Variants in CNTN1 observed in about 807,000 individuals in gnomAD.
CNTN1 encodes the protein contactin-1.
In CNTN1, 38 loss-of-function variants were observed where a neutral mutation model predicts 126.4. The ratio of observed to expected loss-of-function variants is 0.30; its 90% CI spans 0.23 to 0.39. The LOEUF (loss-of-function observed/expected upper bound fraction) is 0.39, where lower values mean the gene tolerates loss of function less well. CNTN1 is among the 10% of genes least tolerant of loss of function. The probability of loss-of-function intolerance (pLI) is 1.00; values close to 1 mark genes in which losing one functional copy is unlikely to be tolerated. For missense variants in CNTN1, 1,009 were observed against 1,248.4 expected (o/e 0.81, Z 2.89); for synonymous variants, 413 against 422.6 (o/e 0.98, Z 0.28).
intron 1 of CNTN1, among the ~76,000 whole-genome samples, chr12:40,766,508 A>G (rs1939102222): frequency 6.6e-6 from 1 of 152,176 alleles, no homozygotes; most frequent in Non-Finnish European, 1.5e-5. Flanking sequence ...GTGTGTATGT[A>G]TTGGATGGGG....
intron 1 of CNTN1, among the ~76,000 whole-genome samples, chr12:40,742,168 A>G (rs1937971591): frequency 6.6e-6 from 1 of 152,122 alleles, no homozygotes; most frequent in African/African-American, 2.4e-5. Flanking sequence ...CCACAACTGA[A>G]TGAAGCCAAT....
At chr12:40,705,866 G>A (rs886793460) in intron 1 of CNTN1, among the ~76,000 whole-genome samples, 1 of 152,148 alleles carries the variant, frequency 6.6e-6, no homozygotes, top group Non-Finnish European at 1.5e-5. Flanking sequence ...GGCAGGAGCA[G>A]GATCAAGAGA....
chr12:40,696,090 C>A (rs530473909), intron 1 of CNTN1, among the ~76,000 whole-genome samples: 8 of 152,142 alleles, frequency 5.3e-5, no homozygotes, highest in Non-Finnish European at 8.8e-5. Context: ...TGAGATAATG[C>A]GTGTTAAACA....
chr12:40,973,386 CGAA>C (rs1033075334), intron 15 of CNTN1, among the ~76,000 whole-genome samples: 26 of 152,108 alleles, frequency 1.7e-4, no homozygotes, highest in African/African-American at 5.5e-4. Flanking sequence ...CATTCCTTGG[CGAA>C]GAAGATGTCT....
rs145883188 is a variant in CNTN1, at chr12:40,921,310, C to T, written c.228-946C>T. On this transcript the variant is annotated intron_variant, in intron 4 of 23. Transcript: ENST00000551295. ...TGAGCGATGTGGCCACGAGCCACTA[C>T]TACTTGAGCGATTTGACCACAGCTC... is the stretch of plus-strand genomic sequence containing the variant. 4.4e-3 allele frequency among the ~76,000 whole-genome samples: 677 copies of T among 152,288 alleles called. 7 individuals carry two copies. The highest frequency in any genetic ancestry group is 0.014 in the African/African-American group (581 of 41,560).
At chr12:40,827,101 C>T (rs989722150) in intron 1 of CNTN1, among the ~76,000 whole-genome samples, 17 of 152,020 alleles carry the variant, frequency 1.1e-4, no homozygotes, top group East Asian at 3.9e-4. Flanking sequence ...AATACTGTTA[C>T]GACATTTTAA....
intron 1 of CNTN1, among the ~76,000 whole-genome samples, chr12:40,814,296 C>G (rs1941186573): frequency 1.3e-5 from 2 of 152,160 alleles, no homozygotes; most frequent in South Asian, 4.1e-4. Context: ...AATGGTATTA[C>G]CTAGGTTTTC....
chr12:40,732,658 A>G (rs2121269645), intron 1 of CNTN1, among the ~76,000 whole-genome samples: 1 of 152,142 alleles, frequency 6.6e-6, no homozygotes, highest in Middle Eastern at 3.4e-3. Flanking sequence ...CAGAAATCCT[A>G]TTAGTGTCTC....
At chr12:40,756,180 A>G (rs1224868368) in intron 1 of CNTN1, among the ~76,000 whole-genome samples, 1 of 152,064 alleles carries the variant, frequency 6.6e-6, no homozygotes, top group Non-Finnish European at 1.5e-5. Context: ...TAAGCCAAAT[A>G]AGGAAAATAG....
At chr12:40,785,134 G>GA (rs572206947) in intron 1 of CNTN1, among the ~76,000 whole-genome samples, 1 of 152,124 alleles carries the variant, frequency 6.6e-6, no homozygotes, top group Admixed American at 6.6e-5. Context: ...ATCAGACACA[G>GA]AAAAAAACTA....
intron 7 of CNTN1, among the ~76,000 whole-genome samples, chr12:40,933,073 C>G (rs1336917474): frequency 6.6e-6 from 1 of 151,328 alleles, no homozygotes; most frequent in Non-Finnish European, 1.5e-5. Flanking sequence ...AGTTTCTTGC[C>G]TTGCGTCTTT....
At chr12:40,986,727 T>A (rs1394541962) in intron 16 of CNTN1, among the ~76,000 whole-genome samples, 1 of 152,158 alleles carries the variant, frequency 6.6e-6, no homozygotes, top group African/African-American at 2.4e-5. Flanking sequence ...CACTATCTCA[T>A]GTTTGTAGTA....
intron 1 of CNTN1, among the ~76,000 whole-genome samples, chr12:40,891,909 C>T (rs890519575): frequency 2.0e-5 from 3 of 152,040 alleles, no homozygotes; most frequent in Admixed American, 6.6e-5. Context: ...GAATCACTGT[C>T]AATGTAAACA....
At chr12:40,893,908 T>C (rs1037653646) in intron 1 of CNTN1, among the ~76,000 whole-genome samples, 8 of 152,096 alleles carry the variant, frequency 5.3e-5, no homozygotes, top group Non-Finnish European at 1.0e-4. Context: ...GAAACTCAAA[T>C]ATAATACGTT....
At chr12:40,693,924 T>C (rs1941376459) in intron 1 of CNTN1, among the ~76,000 whole-genome samples, 1 of 152,084 alleles carries the variant, frequency 6.6e-6, no homozygotes, top group South Asian at 2.1e-4. Flanking sequence ...ATATGTCATA[T>C]TTCATGTTTT....
intron 23 of CNTN1, among the ~76,000 whole-genome samples, chr12:41,043,308 A>C (rs2120967121): frequency 6.6e-6 from 1 of 152,250 alleles, no homozygotes; most frequent in East Asian, 1.9e-4. Context: ...TTACAAGAAA[A>C]AAACAAACAA....
At chr12:40,928,294 A>G (rs1294679079) in intron 6 of CNTN1, among the ~76,000 whole-genome samples, 3 of 152,034 alleles carry the variant, frequency 2.0e-5, no homozygotes, top group African/African-American at 4.8e-5. Context: ...TGTACTATAC[A>G]TATCAGCTTG....
At chr12:40,831,513 G>A (rs1000660517) in intron 1 of CNTN1, among the ~76,000 whole-genome samples, 2 of 151,974 alleles carry the variant, frequency 1.3e-5, no homozygotes, top group African/African-American at 4.8e-5. Context: ...TCTCCTATTC[G>A]AGAAAAATGA....
Position 41,071,511 on chromosome 12 carries a change from GA to G in CNTN1, c.*1478del, listed in dbSNP as rs1008112793. 3 of 152,038 alleles carry G rather than the reference GA, an allele frequency of 2.0e-5. No homozygotes were observed. Among genetic ancestry groups the G allele is most frequent in the African/African-American group, 7.2e-5 (3 of 41,396 alleles). The allele number at this position is 152,038 out of a possible 1,614,324, so 9.4% of individuals were successfully genotyped here. ...ATAGGTTCGTAAAAAATATTTACAG[GA>G]AGCAAAATAGATCTATTACTACTTT... is the stretch of plus-strand genomic sequence containing the variant. On this transcript the variant is annotated 3_prime_UTR_variant, in exon 24 of 24. Coordinates refer to ENST00000551295, the MANE Select transcript of CNTN1 (RefSeq NM_001843.4).
Sources: gnomAD v4.1 joint callset for allele counts (sites outside exome capture counted in the v4.1 genomes callset) on GRCh38, gnomAD v4.1.1 for gene constraint, MANE v1.5 for transcripts, NCBI Gene and HGNC (gene_info 2026-07-23, HGNC 2026-07-21) for gene names.